The following ZFPM2 variants were observed in gnomAD, a reference collection of about 807,000 sequenced individuals.
ZFPM2 encodes the protein zinc finger protein, FOG family member 2.
Under a neutral mutation model 98.6 loss-of-function variants are expected in ZFPM2, and 20 were observed. The ratio of observed to expected loss-of-function variants is 0.20; its 90% CI spans 0.14 to 0.29. ZFPM2 has a LOEUF of 0.29. ZFPM2 is among the 10% of genes least tolerant of loss of function. ZFPM2 has a pLI of 1.00. For missense variants in ZFPM2, 1,310 were observed against 1,388.6 expected, an observed-to-expected ratio of 0.94 and a Z score of 0.90; for synonymous variants, 518 against 502.7, an observed-to-expected ratio of 1.03 and a Z score of -0.41.
At chr8:105,795,705 C>T in intron 6 of ZFPM2, 1 of 388,184 alleles carries the variant, frequency 2.6e-6, no homozygotes, top group Admixed American at 3.2e-5. Context: ...TGTGATTTTA[C>T]TTCATAAAAA....
rs1031143533 is a variant in ZFPM2 at position 105,531,758 on chromosome 8, C to T, written c.302-29605C>T. Among the ~76,000 whole-genome samples, 135 of 152,158 alleles carry T rather than the reference C, an allele frequency of 8.9e-4. 2 individuals are homozygous for T. Among genetic ancestry groups the T allele is most frequent in the African/African-American group, 3.2e-3 (134 of 41,498 alleles). On this transcript the variant is annotated intron_variant, in intron 3 of 7. Coordinates refer to ENST00000407775, the MANE Select transcript of ZFPM2 (RefSeq NM_012082.4). ...TAACTACCTATTTTCCAAATTCTTA[C>T]TAAAGATGCCTAGAGAAAAATATTT...
intron 5 of ZFPM2, among the ~76,000 whole-genome samples, chr8:105,647,703 G>A (rs1443281143): frequency 3.3e-5 from 5 of 152,122 alleles, no homozygotes; most frequent in Non-Finnish European, 5.9e-5. Flanking sequence ...CAAAGGACAT[G>A]AACTCATCCT....
intron 1 of ZFPM2, among the ~76,000 whole-genome samples, chr8:105,381,994 T>C (rs1177236676): frequency 6.6e-6 from 1 of 152,148 alleles, no homozygotes; most frequent in African/African-American, 2.4e-5. Context: ...GAAGGACTAA[T>C]AAACCACCAC....
At position 105,413,542 on chromosome 8, in the gene ZFPM2, T is replaced by A. The variant is rs531709492; in HGVS notation, c.41-5602T>A. Among the ~76,000 whole-genome samples, 6 of 149,952 alleles carry A rather than the reference T, an allele frequency of 4.0e-5. No homozygotes were observed. In the South Asian group the frequency reaches 1.3e-3, roughly 31 times the overall value. ...CACGCACATATATATATATCTCGTG[T>A]TTAAATATATATGTATGTTTCTTCA... On this transcript the variant is annotated intron_variant, in intron 1 of 7. Coordinates refer to ENST00000407775, the MANE Select transcript of ZFPM2 (RefSeq NM_012082.4).
chr8:105,351,454 T>A (rs906500418), intron 1 of ZFPM2, among the ~76,000 whole-genome samples: 2 of 152,010 alleles, frequency 1.3e-5, no homozygotes, highest in African/African-American at 4.8e-5. Context: ...AAACCTCAGA[T>A]AAGGAGGGCT....
chr8:105,428,933 C>T (rs1339620087), intron 2 of ZFPM2, among the ~76,000 whole-genome samples: 3 of 152,128 alleles, frequency 2.0e-5, no homozygotes, highest in East Asian at 1.9e-4. Context: ...AGACAAGGAA[C>T]GGTTCTGAAA....
chr8:105,520,591 A>G (rs942366465), intron 3 of ZFPM2, among the ~76,000 whole-genome samples: 5 of 152,166 alleles, frequency 3.3e-5, no homozygotes, highest in African/African-American at 4.8e-5. Flanking sequence ...CTCTGGCAGC[A>G]TTAATCTAGT....
intron 1 of ZFPM2, among the ~76,000 whole-genome samples, chr8:105,374,912 C>T (rs1810693706): frequency 6.6e-6 from 1 of 151,818 alleles, no homozygotes; most frequent in Admixed American, 6.6e-5. Context: ...GGTTCAGAAC[C>T]TCTAACTTCC....
chr8:105,467,943 A>G (rs765879208), intron 3 of ZFPM2, among the ~76,000 whole-genome samples: 46 of 151,942 alleles, frequency 3.0e-4, no homozygotes, highest in Non-Finnish European at 5.1e-4. Flanking sequence ...AAGAGTTTCA[A>G]ACTTTTCTGA....
At chr8:105,585,203 C>A (rs1199244519) in intron 4 of ZFPM2, among the ~76,000 whole-genome samples, 5 of 152,088 alleles carry the variant, frequency 3.3e-5, no homozygotes, top group African/African-American at 1.2e-4. Context: ...TTTTGGATTT[C>A]CACACTAGGT....
chr8:105,591,009 A>G (rs1469403366), intron 4 of ZFPM2, among the ~76,000 whole-genome samples: 1 of 152,230 alleles, frequency 6.6e-6, no homozygotes, highest in East Asian at 1.9e-4. Flanking sequence ...TGGGCAGATA[A>G]GTTAGTGGGG....
At chr8:105,594,600 T>G (rs958080638) in intron 4 of ZFPM2, among the ~76,000 whole-genome samples, 1 of 152,096 alleles carries the variant, frequency 6.6e-6, no homozygotes, top group African/African-American at 2.4e-5. Flanking sequence ...GATATAGTTC[T>G]TCCATTTAAC....
At chr8:105,393,499 A>G (rs2129947106) in intron 1 of ZFPM2, among the ~76,000 whole-genome samples, 1 of 152,210 alleles carries the variant, frequency 6.6e-6, no homozygotes, top group East Asian at 1.9e-4. Flanking sequence ...ATACTCATTT[A>G]GTATCTACAC....
At chr8:105,364,501 A>C (rs1810471577) in intron 1 of ZFPM2, among the ~76,000 whole-genome samples, 1 of 152,108 alleles carries the variant, frequency 6.6e-6, no homozygotes, top group East Asian at 1.9e-4. Context: ...TCTTATATTC[A>C]ACAAATGTGT....
At chr8:105,320,615 G>A (rs1812006683) in intron 1 of ZFPM2, among the ~76,000 whole-genome samples, 1 of 152,070 alleles carries the variant, frequency 6.6e-6, no homozygotes, top group Admixed American at 6.6e-5. Context: ...ATGCTTTTTA[G>A]TTCATGGCTG....
chr8:105,696,886 G>A (rs938369542), intron 5 of ZFPM2, among the ~76,000 whole-genome samples: 3 of 152,104 alleles, frequency 2.0e-5, no homozygotes, highest in African/African-American at 7.2e-5. Context: ...GTTTGAAACT[G>A]ATAATCTCTA....
chr8:105,766,214 C>A (rs934690619), intron 5 of ZFPM2, among the ~76,000 whole-genome samples: 1 of 151,854 alleles, frequency 6.6e-6, no homozygotes, highest in African/African-American at 2.4e-5. Context: ...TATGAAAAGT[C>A]CTGTTTTTCG....
chr8:105,760,799 G>C (rs1399825486), intron 5 of ZFPM2, among the ~76,000 whole-genome samples: 3 of 152,036 alleles, frequency 2.0e-5, no homozygotes, highest in Non-Finnish European at 4.4e-5. Flanking sequence ...ACAAGTAATG[G>C]GGTATATTAT....
rs374105222 is a variant in ZFPM2 at position 105,561,496 on chromosome 8, C to G, written c.420+15C>G. The G allele has an allele frequency of 1.3e-6, 2 of 1,566,756 alleles. No individual in the cohort carries two copies. Among genetic ancestry groups the G allele is most frequent in the Admixed American group, 1.7e-5 (1 of 57,654 alleles). ...ATAATTCTTTGGTATGTGGATATTC[C>G]GAGATGGTTAATATTTTGTCATCGA... On this transcript the variant is annotated intron_variant, in intron 4 of 7. Transcript: ENST00000407775.
Sources: allele counts gnomAD v4.1 joint callset (sites outside exome capture counted in the v4.1 genomes callset), GRCh38; gene constraint gnomAD v4.1.1; transcripts MANE v1.5; gene names NCBI Gene and HGNC (gene_info 2026-07-23, HGNC 2026-07-21).